The following CDH11 variants were observed in gnomAD, a reference collection of about 807,000 sequenced individuals.
The protein encoded by CDH11 is cadherin-11.
In CDH11, 11 loss-of-function variants were observed where a neutral mutation model predicts 67.8. The observed-to-expected ratio is 0.16, with a 90% CI of 0.10 to 0.27. The LOEUF is 0.27. CDH11 is among the 10% of genes least tolerant of loss of function. The pLI is 1.00. For missense variants in CDH11, 847 were observed against 1,031.2 expected (o/e 0.82, Z 2.45); for synonymous variants, 419 against 400.0 (o/e 1.05, Z -0.57).
At chr16:64,965,382 G>A (rs899552471) in intron 11 of CDH11, among the ~76,000 whole-genome samples, 7 of 151,230 alleles carry the variant, frequency 4.6e-5, no homozygotes, top group Non-Finnish European at 7.4e-5. Flanking sequence ...ACTCCATCTC[G>A]AAAAAAAACC....
rs574223888 is a variant in CDH11 at position 65,021,685 on chromosome 16, G to A, written c.-172-16644C>T. Among the ~76,000 whole-genome samples the A allele has an allele frequency of 2.7e-4, 41 of 150,254 alleles. 1 individual carries two copies. The highest frequency in any genetic ancestry group is 1.0e-3 in the African/African-American group (41 of 41,164). ...ATCTCTTAATACCAGACTCTAGGCA[G>A]GACAAATAGCCAACACCTCTGGCTT... is the stretch of plus-strand genomic sequence containing the variant. On this transcript the variant is annotated intron_variant, in intron 2 of 12. Transcript: ENST00000268603.
intron 1 of CDH11, among the ~76,000 whole-genome samples, chr16:65,092,517 A>T (rs1216324022): frequency 1.3e-5 from 2 of 152,168 alleles, no homozygotes; most frequent in African/African-American, 4.8e-5. Flanking sequence ...TACCACTTGC[A>T]CACCAAGCTT....
intron 1 of CDH11, chr16:65,059,648 C>T (rs1460326378): frequency 6.6e-6 from 1 of 152,138 alleles, no homozygotes; most frequent in Non-Finnish European, 1.5e-5. Flanking sequence ...TTCCCTGAGC[C>T]CTGAAAGGCC....
In CDH11 at chr16:64,945,301, T is replaced by TAAAAAAAAAAAAAAA. The variant is rs3046001; in HGVS notation, c.*2287_*2301dup. 26 of 371,844 alleles carry TAAAAAAAAAAAAAAA rather than the reference T, an allele frequency of 7.0e-5. No homozygotes were observed. The highest frequency in any genetic ancestry group is 2.0e-4 in the East Asian group (2 of 10,050). The allele number at this position is 371,844 out of a possible 1,614,324, so 23.0% of individuals were successfully genotyped here. On this transcript the variant is annotated 3_prime_UTR_variant, in exon 13 of 13. Transcript: ENST00000268603. ...AGAGGCTTAACGAAAAAATAAAAGG[T>TAAAAAAAAAAAAAAA]AAAAAAAAAAAAAAAAAAGAAAAAG...
chr16:65,072,336 A>G (rs1227803405), intron 1 of CDH11: 1 of 152,362 alleles, frequency 6.6e-6, no homozygotes, highest in Non-Finnish European at 1.5e-5. Context: ...AGCAAGAAAG[A>G]CAAGTGCAGT....
chr16:64,993,110 C>G, intron 4 of CDH11, 76 bp from the exon 5 acceptor site: 1 of 1,264,986 alleles, frequency 7.9e-7, no homozygotes, highest in Non-Finnish European at 1.1e-6. Context: ...AAGTTTTATT[C>G]TAAAATTAAC....
Position 65,121,868 on chromosome 16 carries a change from G to T in CDH11, c.-298+12C>A. On this transcript the variant is annotated intron_variant, in intron 1 of 12. Transcript: ENST00000268603. The surrounding 1 kb of genome is among the most constrained non-coding windows in gnomAD (Gnocchi z 4.1). Reference sequence around the variant, plus strand: ...AACCAGGCGAGAGGAAGGGACTGGCGGCGCACCTCACCTGGGGCCCTTGAG... The same window carrying T: ...AACCAGGCGAGAGGAAGGGACTGGCTGCGCACCTCACCTGGGGCCCTTGAG... The T allele has an allele frequency of 2.8e-6, 2 of 701,870 alleles. No homozygotes were observed. Among genetic ancestry groups the T allele is most frequent in the Non-Finnish European group, 5.2e-6 (2 of 384,622 alleles). 43.5% of individuals were successfully genotyped at this position (701,870 alleles called of 1,614,324 possible). A position where few individuals can be genotyped will look rare whatever the true frequency, so the allele number is the denominator to read the frequency against.
intron 2 of CDH11, among the ~76,000 whole-genome samples, chr16:65,043,339 G>T (rs986234573): frequency 2.0e-5 from 3 of 151,404 alleles, no homozygotes; most frequent in African/African-American, 7.4e-5. Context: ...ATGGAGTTTA[G>T]CATGGGGATG....
intron 1 of CDH11, among the ~76,000 whole-genome samples, chr16:65,097,269 A>G (rs1264411159): frequency 1.3e-5 from 2 of 152,224 alleles, no homozygotes; most frequent in Admixed American, 6.5e-5. Context: ...TGGATTCCCA[A>G]CTGGGTCATG....
chr16:65,060,539 A>G lies in CDH11; in HGVS notation c.-297-6611T>C, dbSNP rs1330210986. Among the ~76,000 whole-genome samples, 3 of 152,190 alleles carry G rather than the reference A, an allele frequency of 2.0e-5. No individual in the cohort carries two copies. In the East Asian group the frequency reaches 5.8e-4, roughly 29 times the overall value. Reference sequence around the variant, plus strand: ...ACAAAAATAAGTACAAGCATGCTGCAGGAAAGTTTTAAGGATGCCCATATG... The same window carrying G: ...ACAAAAATAAGTACAAGCATGCTGCGGGAAAGTTTTAAGGATGCCCATATG... On this transcript the variant is annotated intron_variant, in intron 1 of 12. Transcript: ENST00000268603.
chr16:64,954,141 A>G (rs1165244347), intron 11 of CDH11, among the ~76,000 whole-genome samples: 2 of 152,246 alleles, frequency 1.3e-5, no homozygotes, highest in Non-Finnish European at 2.9e-5. Flanking sequence ...AAGATGTTTC[A>G]TATTCTGAAC....
intron 2 of CDH11, among the ~76,000 whole-genome samples, chr16:65,038,834 C>T (rs1449921953): frequency 1.3e-5 from 2 of 152,206 alleles, no homozygotes; most frequent in East Asian, 3.9e-4. Context: ...CCTTTCGCTC[C>T]ATTCCCTTGT....
chr16:64,957,167 C>G (rs1036693308), intron 11 of CDH11, among the ~76,000 whole-genome samples: 1 of 152,202 alleles, frequency 6.6e-6, no homozygotes, highest in South Asian at 2.1e-4. Context: ...TTCCCTAAGG[C>G]TCTGCAGATG....
chr16:65,055,631 G>T (rs1014010549), intron 1 of CDH11, among the ~76,000 whole-genome samples: 5 of 152,166 alleles, frequency 3.3e-5, no homozygotes, highest in Admixed American at 6.5e-5. Context: ...GTCTCAGAAT[G>T]AATAGTATCC....
chr16:65,099,161 C>T (rs1287241434), intron 1 of CDH11, among the ~76,000 whole-genome samples: 1 of 152,110 alleles, frequency 6.6e-6, no homozygotes, highest in Non-Finnish European at 1.5e-5. Context: ...GGGAACAGCA[C>T]ATAGACGGCT....
rs76181686 is a variant in CDH11, at chr16:64,982,262, C to T, written c.1039G>A (p.Val347Ile). The change falls in exon 8 of 13, where the codon GTA becomes ATA. Residue 347 changes from valine (V) to isoleucine (I), a missense_variant. Coordinates refer to ENST00000268603, the MANE Select transcript of CDH11 (RefSeq NM_001797.4). ...TCGATGTGCACGTTGGCTGCCTCTA[C>T]CTTCAAGCTATAGGCTCTTTTGGTT... The part of the protein sequence containing the change: ...FETKRAYSLK[V>I]EAANVHIDPK... 6 of 1,612,310 alleles carry T rather than the reference C, an allele frequency of 3.7e-6. No individual in the cohort carries two copies. The highest frequency in any genetic ancestry group is 1.1e-5 in the South Asian group (1 of 91,048).
intron 1 of CDH11, among the ~76,000 whole-genome samples, chr16:65,110,379 G>A (rs558989111): frequency 2.4e-4 from 36 of 152,230 alleles, no homozygotes; most frequent in Admixed American, 2.2e-3. Flanking sequence ...AATAGACTCT[G>A]GGCAGCACAG....
At chr16:64,948,486 A>G in intron 12 of CDH11, 1 of 857,174 alleles carries the variant, frequency 1.2e-6, no homozygotes, top group South Asian at 1.5e-5. Context: ...TGTTTTTCCA[A>G]GGTTTAAAAA....
chr16:65,094,566 C>A (rs2074853136), intron 1 of CDH11: 1 of 152,086 alleles, frequency 6.6e-6, no homozygotes, highest in South Asian at 2.1e-4. Flanking sequence ...TCAATAACCA[C>A]AATCTCAGCC....
Sources: gnomAD v4.1 joint callset for allele counts (sites outside exome capture counted in the v4.1 genomes callset) on GRCh38, gnomAD v4.1.1 for gene constraint, Gnocchi (gnomAD v3.1) non-coding constraint, MANE v1.5 for transcripts, NCBI Gene and HGNC (gene_info 2026-07-23, HGNC 2026-07-21) for gene names.